Variants in TFRC observed in about 807,000 individuals in gnomAD.
The protein encoded by TFRC is transferrin receptor.
Under a neutral mutation model 85.8 loss-of-function variants are expected in TFRC, and 35 were observed. The ratio of observed to expected loss-of-function variants is 0.41; its 90% CI spans 0.31 to 0.54. TFRC has a LOEUF of 0.54. TFRC is among the 20% of genes least tolerant of loss of function. TFRC has a pLI of 0.31. For synonymous variants in TFRC, 362 were observed against 328.6 expected (o/e 1.10, Z -1.10); for missense variants, 828 against 921.5 (o/e 0.90, Z 1.31).
At chr3:196,058,165 G>A in intron 16 of TFRC, 119 bp downstream of exon 16, 2 of 742,982 alleles carry the variant, frequency 2.7e-6, no homozygotes, top group Non-Finnish European at 4.5e-6. Context: ...TTACTCCTCT[G>A]AATATGTACA....
intron 1 of TFRC, among the ~76,000 whole-genome samples, chr3:196,079,559 G>A (rs1466483734): frequency 6.6e-6 from 1 of 151,504 alleles, no homozygotes; most frequent in Non-Finnish European, 1.5e-5. Flanking sequence ...GAGGTTGCAG[G>A]GAGCCGAGAT....
chr3:196,063,822 C>T (rs1004364405), intron 11 of TFRC, among the ~76,000 whole-genome samples: 1 of 152,120 alleles, frequency 6.6e-6, no homozygotes, highest in East Asian at 1.9e-4. Context: ...GAGGCTGAGG[C>T]AGGAGAATTG....
At position 196,053,448 on chromosome 3, in the gene TFRC, G is replaced by A. The variant is rs150520746; in HGVS notation, c.2010C>T (p.Val670=). The change falls in exon 18 of 19, where the codon GTC becomes GTT. Residue 670 remains valine, a synonymous_variant. Coordinates refer to ENST00000360110, the MANE Select transcript of TFRC (RefSeq NM_001128148.3). ...TGACACGATCATTGAGTTTCTTCAT[G>A]ACAAATCTGTCTGTTTTCTCAGCAT... ...FGNAEKTDRF[V]MKKLNDRVMR... is the part of the protein sequence containing the mutation. 6.4e-5 allele frequency: 103 copies of A among 1,613,982 alleles called. No individual in the cohort carries two copies. Among genetic ancestry groups the A allele is most frequent in the Non-Finnish European group, 8.2e-5 (97 of 1,180,014 alleles).
At chr3:196,063,634 A>C (rs1260151150) in intron 11 of TFRC, among the ~76,000 whole-genome samples, 1 of 152,192 alleles carries the variant, frequency 6.6e-6, no homozygotes, top group Non-Finnish European at 1.5e-5. Flanking sequence ...GAAAGGCTCA[A>C]AAATAAACAA....
At chr3:196,061,434 C>T (rs1717272067) in intron 13 of TFRC, among the ~76,000 whole-genome samples, 2 of 151,996 alleles carry the variant, frequency 1.3e-5, no homozygotes, top group African/African-American at 4.8e-5. Context: ...GATACTTTGT[C>T]CTTAAGAAAA....
chr3:196,055,448 A>C, intron 16 of TFRC, 147 bp from the exon 17 acceptor site: 3 of 657,108 alleles, frequency 4.6e-6, no homozygotes, highest in Non-Finnish European at 5.4e-6. Flanking sequence ...ATTCTATCTC[A>C]TTATCTGCTG....
At chr3:196,054,875 G>C (rs938593777) in intron 17 of TFRC, among the ~76,000 whole-genome samples, 1 of 152,204 alleles carries the variant, frequency 6.6e-6, no homozygotes, top group African/African-American at 2.4e-5. Context: ...TGAAACACCT[G>C]CTGAGCTCTG....
In TFRC at chr3:196,050,511, C is replaced by T. The variant is rs1716225113; in HGVS notation, c.*1431G>A. On this transcript the variant is annotated 3_prime_UTR_variant, in exon 19 of 19. Coordinates refer to ENST00000360110, the MANE Select transcript of TFRC (RefSeq NM_001128148.3). ...ATAATTACTTACACCCTTAGTGTAA[C>T]ATATGGAGATCACTGTCTCCGATAC... The T allele has an allele frequency of 4.9e-6, 1 of 204,428 alleles. No individual in the cohort carries two copies. Among genetic ancestry groups the T allele is most frequent in the Non-Finnish European group, 1.0e-5 (1 of 99,480 alleles). 12.7% of individuals were successfully genotyped at this position (204,428 alleles called of 1,614,324 possible).
chr3:196,068,329 C>T (rs992180381), intron 7 of TFRC, among the ~76,000 whole-genome samples, 199 bp from the exon 8 acceptor site: 4 of 152,074 alleles, frequency 2.6e-5, no homozygotes, highest in African/African-American at 7.2e-5. Context: ...ATAAGAGTAA[C>T]GGGCCAGGAG....
chr3:196,062,427 G>A, intron 13 of TFRC, 155 bp downstream of exon 13: 1 of 661,638 alleles, frequency 1.5e-6, no homozygotes, highest in South Asian at 1.8e-5. Flanking sequence ...CAGCTACTCA[G>A]GAGGCTAAGG....
intron 9 of TFRC, among the ~76,000 whole-genome samples, chr3:196,066,145 T>G (rs1485428031): frequency 2.0e-5 from 3 of 152,162 alleles, no homozygotes; most frequent in Admixed American, 6.5e-5. Context: ...TGCGCCTTTC[T>G]GCCAGACATA....
At chr3:196,057,360 T>C (rs1716884966) in intron 16 of TFRC, among the ~76,000 whole-genome samples, 1 of 152,078 alleles carries the variant, frequency 6.6e-6, no homozygotes, top group South Asian at 2.1e-4. Context: ...CTTGCCCAAT[T>C]GATCACGACC....
chr3:196,067,276 A>G (rs912080991), intron 9 of TFRC, among the ~76,000 whole-genome samples: 2 of 152,236 alleles, frequency 1.3e-5, no homozygotes, highest in Non-Finnish European at 2.9e-5. Context: ...AATCTTGCAC[A>G]AGGAATTCAC....
chr3:196,067,989 C>T, intron 8 of TFRC, 43 bp downstream of exon 8: 1 of 1,515,376 alleles, frequency 6.6e-7, no homozygotes, highest in South Asian at 1.2e-5. Flanking sequence ...CCAAGAACAA[C>T]TCAAGGAACT....
intron 18 of TFRC, 56 bp downstream of exon 18, chr3:196,053,362 A>T (rs1716502232): frequency 6.2e-7 from 1 of 1,602,018 alleles, no homozygotes. Context: ...GAAGTGTAAG[A>T]TTTATCGGTT....
rs2108630500 is a variant in TFRC at position 196,050,597 on chromosome 3, GATA to G, written c.*1342_*1344del. 4.9e-6 allele frequency: 1 copy of G among 203,558 alleles called. No individual in the cohort carries two copies. Among genetic ancestry groups the G allele is most frequent in the South Asian group, 1.9e-4 (1 of 5,230 alleles). The allele number at this position is 203,558 out of a possible 1,614,324, so 12.6% of individuals were successfully genotyped here. ...ATACATTATGGAAGACACTGCTCCC[GATA>G]ATGTGTTAGGATTGTGACAAAGGTA... On this transcript the variant is annotated 3_prime_UTR_variant, in exon 19 of 19. Transcript: ENST00000360110.
intron 13 of TFRC, chr3:196,062,310 T>TC (rs1208629898): frequency 5.3e-6 from 2 of 374,216 alleles, no homozygotes; most frequent in Non-Finnish European, 9.7e-6. Context: ...GGCAGGCAGA[T>TC]CGCCTGAGGT....
At chr3:196,058,521 A>C in intron 15 of TFRC, 53 bp downstream of exon 15, 1 of 1,540,650 alleles carries the variant, frequency 6.5e-7, no homozygotes. Context: ...CTAATGTAGT[A>C]GGTAGAATCT....
chr3:196,064,446 G>A lies in TFRC; in HGVS notation c.1199-18C>T, dbSNP rs968587783. 6.4e-7 allele frequency: 1 copy of A among 1,569,512 alleles called. No homozygotes were observed. The highest frequency in any genetic ancestry group is 1.4e-5 in the African/African-American group (1 of 72,162). ...ATAGTGATCTTTAAAAAAGAAAAAAGAGGAAGAAAGAACTTATATAATCAG... is the reference window on the plus strand; with the variant it reads ...ATAGTGATCTTTAAAAAAGAAAAAAAAGGAAGAAAGAACTTATATAATCAG... On this transcript the variant is annotated intron_variant, in intron 10 of 18. Coordinates refer to ENST00000360110, the MANE Select transcript of TFRC (RefSeq NM_001128148.3).
Sources: gnomAD v4.1 joint callset for allele counts (sites outside exome capture counted in the v4.1 genomes callset) on GRCh38, gnomAD v4.1.1 for gene constraint, MANE v1.5 for transcripts, NCBI Gene and HGNC (gene_info 2026-07-23, HGNC 2026-07-21) for gene names.